The following TENT4B variants were observed in gnomAD, a reference collection of about 807,000 sequenced individuals.
TENT4B encodes the protein PAP associated domain containing 5.
TENT4B carries 10 observed loss-of-function variants against 75.0 expected under a neutral mutation model. That is an observed-to-expected ratio of 0.13 (90% CI 0.08 to 0.23). The LOEUF (loss-of-function observed/expected upper bound fraction) is 0.23, where lower values mean the gene tolerates loss of function less well. Among genes scored for constraint, TENT4B ranks in the 10% least tolerant of loss-of-function variants. The pLI is 1.00. For missense variants in TENT4B, 579 were observed against 893.8 expected, an observed-to-expected ratio of 0.65 and a Z score of 4.49; for synonymous variants, 350 against 357.7, an observed-to-expected ratio of 0.98 and a Z score of 0.24.
In TENT4B at chr16:50,193,904, G is replaced by A. The variant is rs546178791; in HGVS notation, c.639-17419G>A. On this transcript the variant is annotated intron_variant, in intron 1 of 11. Transcript: ENST00000561678. Reference sequence around the variant, plus strand: ...GGCTGCTAAAGCTGAAGGTCAAGTGGGGACTTCCCGGCCACTGGGCTTAGC... The same window carrying A: ...GGCTGCTAAAGCTGAAGGTCAAGTGAGGACTTCCCGGCCACTGGGCTTAGC... 2.0e-4 allele frequency among the ~76,000 whole-genome samples: 31 copies of A among 152,242 alleles called. No homozygotes were observed. In the South Asian group the frequency reaches 6.2e-3, roughly 31 times the overall value.
intron 1 of TENT4B, among the ~76,000 whole-genome samples, chr16:50,171,838 A>T (rs530214848): frequency 6.6e-6 from 1 of 152,132 alleles, no homozygotes; most frequent in African/African-American, 2.4e-5. Context: ...GGTGGTGTGC[A>T]CTTGTAATCC....
intron 1 of TENT4B, among the ~76,000 whole-genome samples, chr16:50,196,272 A>G (rs4785391): frequency 0.67 from 101,490 of 152,066 alleles, 35,750 homozygotes; most frequent in Non-Finnish European, 0.76. Flanking sequence ...TGGCAGCCCA[A>G]TGGCAGTATT....
intron 1 of TENT4B, among the ~76,000 whole-genome samples, chr16:50,183,569 C>T (rs1401941052): frequency 7.1e-6 from 1 of 141,766 alleles, no homozygotes; most frequent in African/African-American, 2.6e-5. Flanking sequence ...CTTTGAATTC[C>T]TGTTTTATTA....
At chr16:50,157,160 A>G (rs2037917028) in intron 1 of TENT4B, among the ~76,000 whole-genome samples, 1 of 152,188 alleles carries the variant, frequency 6.6e-6, no homozygotes, top group African/African-American at 2.4e-5. Flanking sequence ...TGGCCTCTGA[A>G]CTGATAGTCC....
chr16:50,207,753 A>C (rs2031063120), intron 1 of TENT4B, among the ~76,000 whole-genome samples: 1 of 152,150 alleles, frequency 6.6e-6, no homozygotes, highest in African/African-American at 2.4e-5. Flanking sequence ...CAGAGGCATA[A>C]AATTATATTA....
intron 1 of TENT4B, among the ~76,000 whole-genome samples, chr16:50,174,999 C>T (rs7192476): frequency 0.67 from 101,136 of 151,862 alleles, 35,572 homozygotes; most frequent in Non-Finnish European, 0.76. Context: ...CCTCAGCCTC[C>T]CAAAGTGCCG....
At chr16:50,183,405 A>AGT (rs910539961) in intron 1 of TENT4B, among the ~76,000 whole-genome samples, 12 of 149,698 alleles carry the variant, frequency 8.0e-5, no homozygotes, top group African/African-American at 1.7e-4. Context: ...TGTTCATTGG[A>AGT]GTGTGTGTGT....
Position 50,230,831 on chromosome 16 carries a change from C to A in TENT4B, c.*1503C>A. On this transcript the variant is annotated 3_prime_UTR_variant, in exon 12 of 12. Coordinates refer to ENST00000561678, the MANE Select transcript of TENT4B (RefSeq NM_001365324.3). The stretch of plus-strand genomic sequence containing the variant: ...AATGTAAGTGACATTTCTGAAAATG[C>A]TTTCTTTCAGGGTGAAAGCTCTTAT... 4 of 985,512 alleles carry A rather than the reference C, an allele frequency of 4.1e-6. No individual in the cohort carries two copies. Among genetic ancestry groups the A allele is most frequent in the Non-Finnish European group, 4.8e-6 (4 of 829,704 alleles). The allele number at this position is 985,512 out of a possible 1,614,324, so 61.0% of individuals were successfully genotyped here.
chr16:50,178,326 G>T lies in TENT4B; in HGVS notation c.638+24067G>T, dbSNP rs369879369. On this transcript the variant is annotated intron_variant, in intron 1 of 11. Transcript: ENST00000561678. ...TTTAAAATATTAGTTGGGTATGGTG[G>T]CATATACCTGTATATGGCTGAAGTG... is the stretch of plus-strand genomic sequence containing the variant. Among the ~76,000 whole-genome samples, 66 of 151,662 alleles carry T rather than the reference G, an allele frequency of 4.4e-4. No homozygotes were observed. In the South Asian group the frequency reaches 0.014, roughly 31 times the overall value.
Position 50,153,964 on chromosome 16 carries a change from C to T in TENT4B, c.343C>T (p.His115Tyr), listed in dbSNP as rs1428945266. The T allele has an allele frequency of 1.4e-5, 22 of 1,534,110 alleles. No individual in the cohort carries two copies. The highest frequency in any genetic ancestry group is 3.3e-4 in the Middle Eastern group (2 of 5,988). Residue 115 changes from histidine (H) to tyrosine (Y), a missense_variant, in exon 1 of 12, where the codon CAC becomes TAC. By Grantham distance (83) the His-to-Tyr change is moderately conservative. Around this residue, in one of 7 missense-constraint regions of TENT4B, gnomAD observed 253 missense variants for 270.1 expected, o/e 0.94. Transcript: ENST00000561678. Reference sequence around the variant, plus strand: ...AGAGACGACCAACAACAACAACAACCACCACCAGCCCGGGGCCTGGGCCCG... The same window carrying T: ...AGAGACGACCAACAACAACAACAACTACCACCAGCCCGGGGCCTGGGCCCG... ...PLETTNNNNNHHQPGAWARRA... is the reference protein window; with the variant it reads ...PLETTNNNNNYHQPGAWARRA...
intron 1 of TENT4B, among the ~76,000 whole-genome samples, chr16:50,207,933 G>A (rs2031072562): frequency 6.6e-6 from 1 of 152,222 alleles, no homozygotes; most frequent in Admixed American, 6.5e-5. Flanking sequence ...CCTGAGGATA[G>A]AGCCTGTTAG....
intron 1 of TENT4B, among the ~76,000 whole-genome samples, chr16:50,189,382 G>A (rs971802719): frequency 1.7e-4 from 26 of 152,166 alleles, no homozygotes; most frequent in Admixed American, 6.5e-5. Flanking sequence ...AGATAAAACT[G>A]CAAAGAAAGA....
upstream of TENT4B, among the ~76,000 whole-genome samples, chr16:50,153,183 T>TGGGGGGGGGGGGGG (rs760198722): frequency 4.7e-5 from 1 of 21,122 alleles, no homozygotes; most frequent in Non-Finnish European, 9.5e-5. Flanking sequence ...GGCGGGGCGG[T>TGGGGGGGGGGGGGG]GGGGGGGGGG....
At position 50,232,640 on chromosome 16, in the gene TENT4B, T is replaced by G; in HGVS notation, c.*3312T>G. On this transcript the variant is annotated 3_prime_UTR_variant, in exon 12 of 12. Coordinates refer to ENST00000561678, the MANE Select transcript of TENT4B (RefSeq NM_001365324.3). ...GAAAAGAGTAATGACCACCGTGACG[T>G]GCAGGATTCTCTTGCTGTGACATGT... The G allele has an allele frequency of 8.1e-6, 8 of 984,994 alleles. No individual in the cohort carries two copies. Among genetic ancestry groups the G allele is most frequent in the Non-Finnish European group, 9.6e-6 (8 of 829,798 alleles). The allele number at this position is 984,994 out of a possible 1,614,324, so 61.0% of individuals were successfully genotyped here. A position where few individuals can be genotyped will look rare whatever the true frequency, so the allele number is the denominator to read the frequency against.
chr16:50,208,979 C>T (rs1194338617), intron 1 of TENT4B, among the ~76,000 whole-genome samples: 1 of 152,236 alleles, frequency 6.6e-6, no homozygotes, highest in South Asian at 2.1e-4. Context: ...GATCTGCCTG[C>T]CTCAGCCTCC....
At chr16:50,206,713 G>A (rs950170956) in intron 1 of TENT4B, among the ~76,000 whole-genome samples, 1 of 152,038 alleles carries the variant, frequency 6.6e-6, no homozygotes, top group African/African-American at 2.4e-5. Flanking sequence ...CCTTGCCTTT[G>A]GTTTTGAGAA....
At chr16:50,182,218 G>C (rs1285686924) in intron 1 of TENT4B, among the ~76,000 whole-genome samples, 1 of 151,982 alleles carries the variant, frequency 6.6e-6, no homozygotes, top group Non-Finnish European at 1.5e-5. Flanking sequence ...AGTGAGCCAA[G>C]ACTACACTAC....
At chr16:50,225,076 C>T in intron 9 of TENT4B, 22 bp from the exon 10 acceptor site, 1 of 1,608,772 alleles carries the variant, frequency 6.2e-7, no homozygotes, top group Non-Finnish European at 8.5e-7. Context: ...AAACGTTTTC[C>T]AATCTTTTGC....
chr16:50,202,828 G>A (rs899873863), intron 1 of TENT4B, among the ~76,000 whole-genome samples: 2 of 152,148 alleles, frequency 1.3e-5, no homozygotes, highest in African/African-American at 2.4e-5. Flanking sequence ...GGAGAATCGC[G>A]TGGTTTTCAT....
Sources: allele counts gnomAD v4.1 joint callset (sites outside exome capture counted in the v4.1 genomes callset), GRCh38; gene constraint gnomAD v4.1.1; regional missense constraint gnomAD v4.1.1; transcripts MANE v1.5; gene names NCBI Gene and HGNC (gene_info 2026-07-23, HGNC 2026-07-21).